RHBDF1: variants seen among roughly 807,000 people sequenced by gnomAD.
The protein encoded by RHBDF1 is rhomboid 5 homolog 1, also known as inactive rhomboid protein 1.
A neutral mutation model predicts 98.6 loss-of-function variants in RHBDF1; 80 were observed. That is an observed-to-expected ratio of 0.81 (90% CI 0.68 to 0.98). The LOEUF (loss-of-function observed/expected upper bound fraction) is 0.98. RHBDF1 is among the 50% of genes least tolerant of loss of function. The pLI is 0.00. For missense variants in RHBDF1, 1,116 were observed against 1,198.3 expected (o/e 0.93, Z 1.01); for synonymous variants, 512 against 486.8 (o/e 1.05, Z -0.68).
At chr16:60,302 C>A in intron 12 of RHBDF1, 23 bp from the exon 13 acceptor site, 1 of 1,613,874 alleles carries the variant, frequency 6.2e-7, no homozygotes, top group South Asian at 1.1e-5. Context: ...AGTATGTGGT[C>A]AGACCGGCTT....
intron 1 of RHBDF1, among the ~76,000 whole-genome samples, chr16:66,310 C>A (rs911423955): frequency 1.7e-4 from 26 of 152,226 alleles, no homozygotes; most frequent in Admixed American, 5.2e-4. Flanking sequence ...TCCCTCCCAA[C>A]TGCTTGGAGG....
intron 8 of RHBDF1, 39 bp downstream of exon 8, chr16:61,759 A>G (rs763276496): frequency 6.4e-7 from 1 of 1,557,404 alleles, no homozygotes; most frequent in East Asian, 2.3e-5. Context: ...CTCCCCCGGG[A>G]GCCTCCATCC....
At chr16:64,129 C>T in intron 3 of RHBDF1, 2 of 692,220 alleles carry the variant, frequency 2.9e-6, no homozygotes, top group Admixed American at 2.6e-5. Context: ...GAGAGCTTGG[C>T]CCCAGGACAC....
chr16:62,637 G>A lies in RHBDF1; in HGVS notation c.854C>T (p.Ser285Leu), dbSNP rs143220179. ...CTCCCAGTCCTTTAGCGCTGCCTCC[G>A]ATGGGGACTCGAAAACTTCATCCGG... ...TYPDEVFESP[S>L]EAALKDWEKA... The change falls in exon 7 of 18, where the codon TCG becomes TTG. Residue 285 changes from serine (S) to leucine (L), a missense_variant. Transcript: ENST00000262316. The A allele has an allele frequency of 5.0e-6, 8 of 1,614,060 alleles. No homozygotes were observed. Among genetic ancestry groups the A allele is most frequent in the East Asian group, 4.5e-5 (2 of 44,876 alleles).
intron 14 of RHBDF1, 89 bp from the exon 15 acceptor site, chr16:59,583 CT>C: frequency 6.7e-7 from 1 of 1,486,182 alleles, no homozygotes. Context: ...ACCTACCCAC[CT>C]TTGTTGGCCC....
chr16:63,255 G>A (rs1479886940), intron 4 of RHBDF1, 73 bp from the exon 5 acceptor site: 2 of 1,285,820 alleles, frequency 1.6e-6, no homozygotes, highest in Non-Finnish European at 2.1e-6. Context: ...CAGAGGCCTT[G>A]CAAAGACAGC....
intron 3 of RHBDF1, chr16:64,226 G>A (rs1254170722): frequency 1.5e-6 from 2 of 1,322,868 alleles, no homozygotes; most frequent in Non-Finnish European, 2.0e-6. Flanking sequence ...GCCAGCACCT[G>A]CCGTTAGGAG....
chr16:70,893 A>T (rs1307542739), intron 1 of RHBDF1, among the ~76,000 whole-genome samples: 1 of 152,172 alleles, frequency 6.6e-6, no homozygotes, highest in Non-Finnish European at 1.5e-5. Context: ...GGAAGGACTC[A>T]CCCCCAAAAT....
intron 1 of RHBDF1, among the ~76,000 whole-genome samples, chr16:66,119 A>G (rs575641417): frequency 1.3e-5 from 2 of 152,318 alleles, no homozygotes; most frequent in East Asian, 3.9e-4. Context: ...CCAGATTGAG[A>G]AGGGCCCCTG....
intron 1 of RHBDF1, among the ~76,000 whole-genome samples, chr16:69,433 C>T (rs989482296): frequency 6.6e-6 from 1 of 152,146 alleles, no homozygotes; most frequent in Non-Finnish European, 1.5e-5. Flanking sequence ...CAAGGGGCCT[C>T]ACCCCGGGAC....
chr16:60,749 T>C (rs1192152866), intron 11 of RHBDF1: 3 of 584,724 alleles, frequency 5.1e-6, no homozygotes, highest in Admixed American at 6.3e-5. Context: ...AAACAACCTC[T>C]GTGTCCTAAA....
intron 3 of RHBDF1, chr16:64,321 T>C (rs1897760119): frequency 8.9e-6 from 12 of 1,345,842 alleles, no homozygotes; most frequent in Admixed American, 2.2e-5. Context: ...ACTCATGACC[T>C]GTATGAGATA....
In RHBDF1 at chr16:61,178, G is replaced by T; in HGVS notation, c.1499C>A (p.Ala500Asp). 2 of 1,541,566 alleles carry T rather than the reference G, an allele frequency of 1.3e-6. No homozygotes were observed. Among genetic ancestry groups the T allele is most frequent in the African/African-American group, 1.4e-5 (1 of 73,146 alleles). Residue 500 changes from alanine (A) to aspartate (D), a missense_variant, in exon 11 of 18, where the codon GCC becomes GAC. Coordinates refer to ENST00000262316, the MANE Select transcript of RHBDF1 (RefSeq NM_022450.5). ...CGACCTGTCGTTGCGCACGCAGCAG[G>T]CGGAGTGCTTCTCGCGCTCGCGCGC... The part of the protein sequence containing the change: ...RSAREREKHS[A>D]CCVRNDRSGC...
chr16:75,617 C>T (rs142605150), upstream of RHBDF1, among the ~76,000 whole-genome samples: 1,499 of 152,312 alleles, frequency 9.8e-3, 31 homozygotes, highest in African/African-American at 0.033. Flanking sequence ...AAGGGGTTCC[C>T]ATAAGCACCT....
Position 58,316 on chromosome 16 carries a change from C to G in RHBDF1, c.*24G>C. On this transcript the variant is annotated 3_prime_UTR_variant, in exon 18 of 18. Coordinates refer to ENST00000262316, the MANE Select transcript of RHBDF1 (RefSeq NM_022450.5). Reference sequence around the variant, plus strand: ...TCTGGCTCTGGCCTGCTGGAGCACACGGCCGCTGGAGCCCGCAGCCAGCTC... The same window carrying G: ...TCTGGCTCTGGCCTGCTGGAGCACAGGGCCGCTGGAGCCCGCAGCCAGCTC... 1 of 1,594,246 alleles carries G rather than the reference C, an allele frequency of 6.3e-7. No individual in the cohort carries two copies. Among genetic ancestry groups the G allele is most frequent in the Non-Finnish European group, 8.6e-7 (1 of 1,169,282 alleles).
At chr16:74,480 G>C (rs768862640), upstream of RHBDF1, among the ~76,000 whole-genome samples, 18 of 152,168 alleles carry the variant, frequency 1.2e-4, no homozygotes, top group Non-Finnish European at 2.4e-4. Flanking sequence ...AGCTGGCTCA[G>C]AGCTGAAACC....
rs540050211 is a variant in RHBDF1 at position 61,421 on chromosome 16, G to A, written c.1359C>T (p.Tyr453=). ...RNRGVYENVK[Y]VQQENFWIGP... ...CGATCCAGAAGTTCTCCTGCTGCAC[G>A]TACTTGACGTTCTCGTAGACCCCGC... The change falls in exon 10 of 18, where the codon TAC becomes TAT. Residue 453 remains tyrosine (Y), a synonymous_variant. Transcript: ENST00000262316. 3.1e-6 allele frequency: 5 copies of A among 1,611,504 alleles called. No homozygotes were observed. The highest frequency in any genetic ancestry group is 3.3e-5 in the Admixed American group (2 of 59,956).
chr16:64,367 G>A, intron 3 of RHBDF1: 2 of 1,377,084 alleles, frequency 1.5e-6, no homozygotes, highest in Non-Finnish European at 9.6e-7. Flanking sequence ...TGGCGCTGTG[G>A]GAAGGCCCTG....
Position 64,947 on chromosome 16 carries a change from G to C in RHBDF1, c.69C>G (p.Asp23Glu), listed in dbSNP as rs139163405. 8.8e-6 allele frequency: 14 copies of C among 1,586,972 alleles called. No homozygotes were observed. The African/African-American group carries it at 1.8e-4, about 20-fold the overall frequency. ...QRKKPPWLKL[D>E]IPSAVPLTAE... is the part of the protein sequence containing the mutation. Reference sequence around the variant, plus strand: ...CCGTCAGGGGCACCGCAGAGGGAATGTCCAGCTTTAGCCAGGGTGGCTTCT... The same window carrying C: ...CCGTCAGGGGCACCGCAGAGGGAATCTCCAGCTTTAGCCAGGGTGGCTTCT... The change falls in exon 2 of 18, where the codon GAC (aspartate) becomes GAG (glutamate). Residue 23 changes from aspartate (D) to glutamate (E), a missense_variant. Asp to Glu is a conservative substitution (Grantham distance 45). Transcript: ENST00000262316.
Sources: gnomAD v4.1 joint callset for allele counts (sites outside exome capture counted in the v4.1 genomes callset) on GRCh38, gnomAD v4.1.1 for gene constraint, MANE v1.5 for transcripts, NCBI Gene and HGNC (gene_info 2026-07-23, HGNC 2026-07-21) for gene names.